NELL2: variants seen among roughly 807,000 people sequenced by gnomAD.
NELL2 encodes neural EGFL like 2.
In NELL2, 41 loss-of-function variants were observed where a neutral mutation model predicts 109.6. That is an observed-to-expected ratio of 0.37 (90% confidence interval 0.29 to 0.49). NELL2 has a LOEUF of 0.49. NELL2 is among the 20% of genes least tolerant of loss of function. The probability of loss-of-function intolerance (pLI) is 0.98; values close to 1 mark genes in which losing one functional copy is unlikely to be tolerated. For synonymous variants in NELL2, 355 were observed against 344.7 expected (o/e 1.03, Z -0.33); for missense variants, 900 against 1,008.3 (o/e 0.89, Z 1.45).
chr12:44,719,248 G>A (rs1938645129), intron 9 of NELL2, among the ~76,000 whole-genome samples: 1 of 152,192 alleles, frequency 6.6e-6, no homozygotes, highest in East Asian at 1.9e-4. Context: ...AAATGGATAA[G>A]TGAAAGAAGC....
intron 9 of NELL2, among the ~76,000 whole-genome samples, chr12:44,715,100 A>G (rs183816571): frequency 3.4e-4 from 51 of 152,024 alleles, no homozygotes; most frequent in Admixed American, 3.2e-3. Flanking sequence ...CAGGGGTAAT[A>G]TGAGACTCAG....
chr12:44,674,821 TC>T (rs1216334598), intron 12 of NELL2, among the ~76,000 whole-genome samples: 1 of 152,182 alleles, frequency 6.6e-6, no homozygotes, highest in Non-Finnish European at 1.5e-5. Context: ...TCTTAAGTAA[TC>T]TACCCAGTCC....
intron 12 of NELL2, among the ~76,000 whole-genome samples, chr12:44,698,721 A>C (rs1592357254): frequency 6.6e-6 from 1 of 152,320 alleles, no homozygotes; most frequent in East Asian, 1.9e-4. Flanking sequence ...TCACAAACTT[A>C]CTTTAAAATT....
chr12:44,685,943 C>G (rs1948702730), intron 12 of NELL2, among the ~76,000 whole-genome samples: 3 of 152,030 alleles, frequency 2.0e-5, no homozygotes, highest in Non-Finnish European at 4.4e-5. Context: ...TCTATATTTC[C>G]TGAATCTGAA....
At position 44,875,269 on chromosome 12, in the gene NELL2, T is replaced by G; in HGVS notation, c.140A>C (p.Gln47Pro). 1 of 1,614,110 alleles carries G rather than the reference T, an allele frequency of 6.2e-7. No homozygotes were observed. Residue 47 changes from glutamine (Q) to proline (P), a missense_variant, in exon 2 of 20, where the codon CAG (glutamine) becomes CCG (proline). By Grantham distance (76) the Gln-to-Pro change is moderately conservative (BLOSUM62 -1). Transcript: ENST00000429094. The stretch of plus-strand genomic sequence containing the variant: ...CGTCCCATTATGCAGCCCCGGGACC[T>G]GACGCACTCCGGTCGTGGACTCCCC... ...ELGESTTGVR[Q>P]VPGLHNGTKA...
chr12:44,581,935 T>C (rs912359927), intron 15 of NELL2, among the ~76,000 whole-genome samples: 2 of 152,214 alleles, frequency 1.3e-5, no homozygotes, highest in Non-Finnish European at 2.9e-5. Flanking sequence ...CAACAAAACA[T>C]TTTAAGCTCA....
intron 12 of NELL2, among the ~76,000 whole-genome samples, chr12:44,699,326 T>C (rs1283014405): frequency 6.6e-6 from 1 of 152,132 alleles, no homozygotes; most frequent in African/African-American, 2.4e-5. Context: ...TTCCAGACAT[T>C]CTAGATCCCT....
chr12:44,649,447 T>C (rs1947227703), intron 13 of NELL2, among the ~76,000 whole-genome samples: 1 of 152,190 alleles, frequency 6.6e-6, no homozygotes, highest in South Asian at 2.1e-4. Flanking sequence ...TATAAGCTTC[T>C]GCCCAGGAAT....
At chr12:44,919,084 G>A (rs929757013), upstream of NELL2, among the ~76,000 whole-genome samples, 3 of 152,092 alleles carry the variant, frequency 2.0e-5, no homozygotes, top group African/African-American at 4.8e-5. Flanking sequence ...AGATTTCTTC[G>A]AACGTGAGAA....
intron 3 of NELL2, among the ~76,000 whole-genome samples, chr12:44,790,310 G>A (rs1013609348): frequency 6.6e-6 from 1 of 152,078 alleles, no homozygotes; most frequent in Admixed American, 6.5e-5. Context: ...GAAGGGATTG[G>A]GACCCTATCT....
intron 15 of NELL2, among the ~76,000 whole-genome samples, chr12:44,578,233 T>C (rs1944183712): frequency 6.6e-6 from 1 of 152,206 alleles, no homozygotes; most frequent in Admixed American, 6.5e-5. Flanking sequence ...CACCTTTCCA[T>C]TTTGTAAACA....
chr12:44,551,584 C>A (rs1185266458), intron 15 of NELL2, among the ~76,000 whole-genome samples: 2 of 152,120 alleles, frequency 1.3e-5, no homozygotes, highest in East Asian at 3.9e-4. Context: ...CAAGTGCCTT[C>A]TCCCCCTTCT....
At chr12:44,706,675 A>G (rs1937899078) in intron 11 of NELL2, among the ~76,000 whole-genome samples, 1 of 152,214 alleles carries the variant, frequency 6.6e-6, no homozygotes, top group African/African-American at 2.4e-5. Flanking sequence ...ATTATTCGTT[A>G]ATAACTAAAG....
intron 17 of NELL2, 49 bp downstream of exon 17, chr12:44,523,242 G>A (rs1309073295): frequency 1.9e-6 from 3 of 1,588,590 alleles, no homozygotes; most frequent in Admixed American, 1.7e-5. Flanking sequence ...TAAAACATAT[G>A]CAAATTACAA....
intron 2 of NELL2, among the ~76,000 whole-genome samples, chr12:44,818,731 TTTTTTTTA>T (rs1325370589): frequency 3.1e-5 from 3 of 98,102 alleles, no homozygotes; most frequent in Admixed American, 1.0e-4. Flanking sequence ...ACTTATTTTT[TTTTTTTTA>T]TTTTTTTTTT....
chr12:44,522,016 T>A lies in NELL2; in HGVS notation c.2159A>T (p.Gln720Leu), dbSNP rs201473536. Reference sequence around the variant, plus strand: ...TAAATTTACCAAGCAGCGGCACTGTTGACAATTCTGGACCCAGGTGTCACC... The same window carrying A: ...TAAATTTACCAAGCAGCGGCACTGTAGACAATTCTGGACCCAGGTGTCACC... ...NSGDTWVQNC[Q>L]QCRCLQGEVD... The change falls in exon 18 of 20, where the codon CAA becomes CTA. Residue 720 changes from glutamine (Q) to leucine (L), a missense_variant. Gln to Leu is a moderately radical substitution (Grantham distance 113). This residue lies in a region of NELL2 where 333 missense variants were observed against 432.3 expected (regional missense o/e 0.77). Coordinates refer to ENST00000429094, the MANE Select transcript of NELL2 (RefSeq NM_001145108.2). 1.6e-4 allele frequency: 256 copies of A among 1,613,618 alleles called. No homozygotes were observed. Among genetic ancestry groups the A allele is most frequent in the Non-Finnish European group, 2.1e-4 (250 of 1,179,942 alleles).
At chr12:44,643,965 G>C (rs1946955850) in intron 13 of NELL2, among the ~76,000 whole-genome samples, 1 of 152,088 alleles carries the variant, frequency 6.6e-6, no homozygotes, top group Admixed American at 6.6e-5. Context: ...GATTTCACCA[G>C]GAAAACCTAT....
rs558191478 is a variant in NELL2, at chr12:44,910,544, T to C, written c.38+3255A>G. 3.9e-5 allele frequency among the ~76,000 whole-genome samples: 6 copies of C among 152,106 alleles called. No individual in the cohort carries two copies. The South Asian group carries it at 1.2e-3, about 32-fold the overall frequency. ...TTAGTTCAACCACTGTGGAATACAGTTTGGAGATTTCCCAAAGAATCTAAA... is the reference window on the plus strand; with the variant it reads ...TTAGTTCAACCACTGTGGAATACAGCTTGGAGATTTCCCAAAGAATCTAAA... On this transcript the variant is annotated intron_variant, in intron 1 of 20. Coordinates refer to the NELL2 transcript ENST00000333837.
upstream of NELL2, among the ~76,000 whole-genome samples, chr12:44,879,777 C>T (rs1945389802): frequency 6.6e-6 from 1 of 151,908 alleles, no homozygotes; most frequent in Non-Finnish European, 1.5e-5. Flanking sequence ...ACTTTTGAAA[C>T]TTTAAAACTT....
Sources: gnomAD v4.1 joint callset for allele counts (sites outside exome capture counted in the v4.1 genomes callset) on GRCh38, gnomAD v4.1.1 for gene constraint, gnomAD v4.1.1 regional missense constraint, MANE v1.5 for transcripts, NCBI Gene and HGNC (gene_info 2026-07-23, HGNC 2026-07-21) for gene names.